The following DGKB variants were observed in gnomAD, a reference collection of about 807,000 sequenced individuals.
DGKB encodes the protein diacylglycerol kinase beta.
DGKB carries 67 observed loss-of-function variants against 114.3 expected under a neutral mutation model. That is an observed-to-expected ratio of 0.59 (90% CI 0.48 to 0.72). DGKB has a LOEUF of 0.72. Among genes scored for constraint, DGKB ranks in the 30% least tolerant of loss-of-function variants. The pLI is 0.00. For missense variants in DGKB, 907 were observed against 975.2 expected, an observed-to-expected ratio of 0.93 and a Z score of 0.93; for synonymous variants, 398 against 323.1, an observed-to-expected ratio of 1.23 and a Z score of -2.49.
chr7:14,267,938 TACA>T (rs1447096821), intron 23 of DGKB, among the ~76,000 whole-genome samples: 1 of 152,102 alleles, frequency 6.6e-6, no homozygotes, highest in African/African-American at 2.4e-5. Context: ...CTAACTAGGT[TACA>T]ACAAGATAAA....
At chr7:14,690,651 G>A (rs1329833358) in intron 9 of DGKB, among the ~76,000 whole-genome samples, 1 of 152,132 alleles carries the variant, frequency 6.6e-6, no homozygotes, top group East Asian at 1.9e-4. Flanking sequence ...CATTTGTGCT[G>A]GAACAGCAGA....
At chr7:14,891,402 G>A (rs569646305) in intron 1 of DGKB, among the ~76,000 whole-genome samples, 1 of 151,294 alleles carries the variant, frequency 6.6e-6, no homozygotes, top group Admixed American at 6.6e-5. Context: ...TTTTATGCCA[G>A]GCAATGTTCA....
intron 23 of DGKB, among the ~76,000 whole-genome samples, chr7:14,286,623 A>C (rs1412939842): frequency 6.6e-6 from 1 of 152,106 alleles, no homozygotes. Flanking sequence ...CTTTGCCCTA[A>C]ATTCTCATTT....
At chr7:14,732,415 T>A (rs1223689973) in intron 5 of DGKB, among the ~76,000 whole-genome samples, 1 of 152,168 alleles carries the variant, frequency 6.6e-6, no homozygotes, top group Non-Finnish European at 1.5e-5. Flanking sequence ...AGATAACAGA[T>A]TATTGCAAAG....
At chr7:14,221,532 T>C (rs1195498765) in intron 23 of DGKB, among the ~76,000 whole-genome samples, 1 of 151,450 alleles carries the variant, frequency 6.6e-6, no homozygotes, top group African/African-American at 2.4e-5. Context: ...CATTTGTTCA[T>C]GTTGTATAAT....
In DGKB at chr7:14,729,276, C is replaced by T. The variant is rs112955020; in HGVS notation, c.322+6765G>A. Among the ~76,000 whole-genome samples, 297 of 140,410 alleles carry T rather than the reference C, an allele frequency of 2.1e-3. 1 individual carries two copies. The highest frequency in any genetic ancestry group is 6.7e-3 in the African/African-American group (265 of 39,610). The allele number at this position is 140,410 out of a possible 152,430, so 92.1% of individuals were successfully genotyped here. A position where few individuals can be genotyped will look rare whatever the true frequency, so the allele number is the denominator to read the frequency against. Reference sequence around the variant, plus strand: ...TAGCTGGGACTACAGGCGCCTGCCACCACATCCGGCTAATTTTTTGTATTT... The same window carrying T: ...TAGCTGGGACTACAGGCGCCTGCCATCACATCCGGCTAATTTTTTGTATTT... On this transcript the variant is annotated intron_variant, in intron 5 of 25. Transcript: ENST00000402815.
chr7:14,780,421 C>T (rs751102107), intron 2 of DGKB, among the ~76,000 whole-genome samples: 81 of 152,296 alleles, frequency 5.3e-4, no homozygotes, highest in African/African-American at 1.7e-3. Flanking sequence ...CCATTTACAA[C>T]AATAGGCATA....
At chr7:14,416,175 T>C (rs927715909) in intron 21 of DGKB, among the ~76,000 whole-genome samples, 10 of 152,126 alleles carry the variant, frequency 6.6e-5, no homozygotes, top group Admixed American at 3.9e-4. Context: ...ATATTAGCCC[T>C]TTGTCAGATG....
At chr7:14,889,867 A>C (rs982137768) in intron 1 of DGKB, among the ~76,000 whole-genome samples, 2 of 151,584 alleles carry the variant, frequency 1.3e-5, no homozygotes, top group African/African-American at 2.4e-5. Flanking sequence ...CCTGTCAAGG[A>C]AGTATTTCTG....
intron 1 of DGKB, among the ~76,000 whole-genome samples, chr7:14,880,684 T>C (rs1489803652): frequency 2.6e-5 from 4 of 152,170 alleles, no homozygotes; most frequent in Non-Finnish European, 5.9e-5. Context: ...TATTCGTAGC[T>C]ATAATTGTGA....
intron 12 of DGKB, among the ~76,000 whole-genome samples, chr7:14,677,751 G>A (rs1163159049): frequency 6.6e-6 from 1 of 152,006 alleles, no homozygotes; most frequent in Non-Finnish European, 1.5e-5. Flanking sequence ...AATCAAGACA[G>A]AAAAGAGAAC....
chr7:14,727,584 G>A (rs528890977), intron 5 of DGKB, among the ~76,000 whole-genome samples: 11 of 152,188 alleles, frequency 7.2e-5, no homozygotes, highest in Non-Finnish European at 1.3e-4. Context: ...GTGTCAGTAA[G>A]TTTATTACCT....
At chr7:14,832,253 T>C (rs1586795278) in intron 2 of DGKB, among the ~76,000 whole-genome samples, 1 of 152,042 alleles carries the variant, frequency 6.6e-6, no homozygotes, top group South Asian at 2.1e-4. Context: ...TCAAGCAAAC[T>C]GAATAAAACC....
At chr7:14,230,942 A>T (rs1406164398) in intron 23 of DGKB, among the ~76,000 whole-genome samples, 5 of 152,052 alleles carry the variant, frequency 3.3e-5, no homozygotes, top group African/African-American at 1.2e-4. Flanking sequence ...CAATTAAATA[A>T]TTACTATGTT....
chr7:14,745,201 C>G (rs955832816), intron 4 of DGKB, among the ~76,000 whole-genome samples: 1 of 152,174 alleles, frequency 6.6e-6, no homozygotes, highest in Non-Finnish European at 1.5e-5. Flanking sequence ...TCTAATAACT[C>G]CGTTTGTCTC....
intron 6 of DGKB, among the ~76,000 whole-genome samples, chr7:14,702,362 G>A (rs1479349187): frequency 1.3e-5 from 2 of 152,152 alleles, no homozygotes; most frequent in Non-Finnish European, 2.9e-5. Context: ...TCTGATGGAG[G>A]AAGCCAGCAC....
chr7:14,495,494 A>G (rs1485438258), intron 20 of DGKB, among the ~76,000 whole-genome samples: 1 of 151,830 alleles, frequency 6.6e-6, no homozygotes, highest in East Asian at 1.9e-4. Context: ...GGACAGCAAA[A>G]TAGACGAAAC....
At position 14,262,585 on chromosome 7, in the gene DGKB, A is replaced by T. The variant is rs536190552; in HGVS notation, c.2122+75930T>A. On this transcript the variant is annotated intron_variant, in intron 23 of 25. Transcript: ENST00000402815. ...CCAGTATGTGATATTTTGTTACAGC[A>T]GCCTAAACAAACTGACACAGATGGG... 1.4e-4 allele frequency among the ~76,000 whole-genome samples: 21 copies of T among 152,278 alleles called. No homozygotes were observed. In the South Asian group the frequency reaches 4.3e-3, roughly 32 times the overall value.
intron 17 of DGKB, among the ~76,000 whole-genome samples, chr7:14,601,466 A>T (rs1803535571): frequency 6.6e-6 from 1 of 152,130 alleles, no homozygotes. Context: ...TTCATTGGTA[A>T]CACCCTTGGT....
Sources: gnomAD v4.1 joint callset for allele counts (sites outside exome capture counted in the v4.1 genomes callset) on GRCh38, gnomAD v4.1.1 for gene constraint, MANE v1.5 for transcripts, NCBI Gene and HGNC (gene_info 2026-07-23, HGNC 2026-07-21) for gene names.